Variants in COL4A3 observed in about 807,000 individuals in gnomAD.
COL4A3 encodes collagen type IV alpha 3 chain, also known as collagen alpha-3(IV) chain.
In COL4A3, 135 loss-of-function variants were observed where a neutral mutation model predicts 217.4. The ratio of observed to expected loss-of-function variants is 0.62; its 90% CI spans 0.54 to 0.72. The LOEUF is 0.72. COL4A3 is among the 30% of genes least tolerant of loss of function. The pLI is 0.00. For missense variants in COL4A3, 1,868 were observed against 2,119.9 expected (o/e 0.88, Z 2.33); for synonymous variants, 690 against 736.3 (o/e 0.94, Z 1.02).
chr2:227,273,130 T>A lies in COL4A3; in HGVS notation c.1927+13T>A. 6.2e-7 allele frequency: 1 copy of A among 1,612,790 alleles called. No homozygotes were observed. The highest frequency in any genetic ancestry group is 8.5e-7 in the Non-Finnish European group (1 of 1,179,962). On this transcript the variant is annotated intron_variant, in intron 26 of 51. Coordinates refer to ENST00000396578, the MANE Select transcript of COL4A3 (RefSeq NM_000091.5). ...CCCGGAGAAGCCGGTTGGTTAGTTT[T>A]CTTTCCAGTCCTGTTTTCCGATGGA...
intron 1 of COL4A3, among the ~76,000 whole-genome samples, chr2:227,226,435 G>C (rs1661742483): frequency 6.6e-6 from 1 of 151,542 alleles, no homozygotes; most frequent in South Asian, 2.1e-4. Flanking sequence ...GGAACTCACA[G>C]CTGATCTCTT....
chr2:227,251,090 T>C, intron 9 of COL4A3, 50 bp from the exon 10 acceptor site: 1 of 1,319,378 alleles, frequency 7.6e-7, no homozygotes, highest in Admixed American at 1.7e-5. Context: ...ACATTGTTAT[T>C]AAGTGAGAAG....
intron 1 of COL4A3, among the ~76,000 whole-genome samples, chr2:227,182,719 T>G (rs1296805624): frequency 6.6e-6 from 1 of 152,178 alleles, no homozygotes; most frequent in African/African-American, 2.4e-5. Context: ...AAAACAGATT[T>G]GTAATAAAGG....
At position 227,295,014 on chromosome 2, in the gene COL4A3, C is replaced by T; in HGVS notation, c.3469C>T (p.Gln1157Ter). The stretch of plus-strand genomic sequence containing the variant: ...TGGACCAATGGGTATAAGAGGTGAC[C>T]AAGGACGTGATGGAATTCCTGGTCC... ...SPGPMGIRGDQGRDGIPGPAG... is the reference protein window; with the variant it reads ...SPGPMGIRGD The change falls in exon 40 of 52, where the codon CAA (glutamine) becomes TAA (stop). Residue 1157 changes from glutamine (Q) to a stop codon, truncating the protein, a stop_gained. Coordinates refer to ENST00000396578, the MANE Select transcript of COL4A3 (RefSeq NM_000091.5). LOFTEE classifies it high-confidence loss of function. 4.3e-6 allele frequency: 7 copies of T among 1,612,778 alleles called. No homozygotes were observed. Among genetic ancestry groups the T allele is most frequent in the Non-Finnish European group, 5.9e-6 (7 of 1,179,770 alleles).
chr2:227,196,313 T>A (rs1245956680), intron 1 of COL4A3, among the ~76,000 whole-genome samples: 2 of 151,880 alleles, frequency 1.3e-5, no homozygotes, highest in Non-Finnish European at 2.9e-5. Flanking sequence ...AGGTGTACTA[T>A]GTTTTTATCT....
chr2:227,222,401 A>T (rs1447480168), intron 1 of COL4A3: 1 of 152,012 alleles, frequency 6.6e-6, no homozygotes, highest in Non-Finnish European at 1.5e-5. Context: ...TTGTCCAGAG[A>T]GTGTCCTATT....
chr2:227,218,816 T>C (rs896512689), intron 1 of COL4A3, among the ~76,000 whole-genome samples: 21 of 152,368 alleles, frequency 1.4e-4, no homozygotes, highest in African/African-American at 4.6e-4. Context: ...TTGTTTTGCT[T>C]TCTAAATTAT....
chr2:227,185,514 G>A (rs936521254), intron 1 of COL4A3, among the ~76,000 whole-genome samples: 3 of 152,154 alleles, frequency 2.0e-5, no homozygotes, highest in African/African-American at 7.2e-5. Context: ...TACTAAAAAA[G>A]CAATGACAAC....
At chr2:227,236,565 A>G (rs558730813) in intron 1 of COL4A3, among the ~76,000 whole-genome samples, 2 of 152,370 alleles carry the variant, frequency 1.3e-5, no homozygotes, top group Non-Finnish European at 2.9e-5. Context: ...TTCTGGAGAA[A>G]GCAAATTAAT....
intron 47 of COL4A3, among the ~76,000 whole-genome samples, chr2:227,306,866 G>A (rs2073524719): frequency 1.3e-5 from 2 of 152,226 alleles, no homozygotes; most frequent in South Asian, 4.2e-4. Context: ...GCCCAAGTCT[G>A]GTTGGGGAGG....
At chr2:227,310,563 A>C (rs963610397) in intron 50 of COL4A3, among the ~76,000 whole-genome samples, 3 of 152,134 alleles carry the variant, frequency 2.0e-5, no homozygotes, top group African/African-American at 7.2e-5. Flanking sequence ...TGATCTGCCC[A>C]CCTAGGCCTC....
chr2:227,291,780 T>C (rs1484320310), intron 37 of COL4A3, among the ~76,000 whole-genome samples: 4 of 152,208 alleles, frequency 2.6e-5, no homozygotes, highest in East Asian at 1.9e-4. Context: ...TTGTGCTTTG[T>C]CAAATTGAGG....
chr2:227,238,563 G>T (rs1205471839), intron 2 of COL4A3, among the ~76,000 whole-genome samples: 1 of 152,122 alleles, frequency 6.6e-6, no homozygotes, highest in African/African-American at 2.4e-5. Flanking sequence ...TCATTAATTC[G>T]CTCCATTAAC....
intron 1 of COL4A3, among the ~76,000 whole-genome samples, chr2:227,212,018 T>C (rs1463160612): frequency 6.6e-6 from 1 of 152,200 alleles, no homozygotes; most frequent in Non-Finnish European, 1.5e-5. Context: ...GCCAAAATGA[T>C]GTGTGTGAAG....
intron 8 of COL4A3, among the ~76,000 whole-genome samples, chr2:227,247,856 C>A (rs183798849): frequency 1.6e-4 from 25 of 152,168 alleles, no homozygotes; most frequent in African/African-American, 5.8e-4. Flanking sequence ...TGCTCAGGGC[C>A]CCACATTCTA....
intron 3 of COL4A3, among the ~76,000 whole-genome samples, chr2:227,243,452 G>A (rs955167741): frequency 6.6e-6 from 1 of 152,216 alleles, no homozygotes; most frequent in African/African-American, 2.4e-5. Flanking sequence ...AAAACCTTCT[G>A]CTTTCGGCAT....
At chr2:227,204,850 A>G (rs2067039647) in intron 1 of COL4A3, among the ~76,000 whole-genome samples, 1 of 152,264 alleles carries the variant, frequency 6.6e-6, no homozygotes, top group Admixed American at 6.5e-5. Flanking sequence ...GTGTACACAC[A>G]TAATCACAAT....
Position 227,246,960 on chromosome 2 carries a change from G to T in COL4A3, c.441+222G>T. The T allele has an allele frequency of 4.5e-6, 3 of 660,638 alleles. 1 individual carries two copies. The Middle Eastern group carries it at 1.0e-3, about 227-fold the overall frequency. The allele number at this position is 660,638 out of a possible 1,614,324, so 40.9% of individuals were successfully genotyped here. ...ACTTTTGAGACATCCAAGTGGAGAT[G>T]CATGAGAGGTACTTGGATTCACTCA... is the stretch of plus-strand genomic sequence containing the variant. On this transcript the variant is annotated intron_variant, in intron 7 of 51. Transcript: ENST00000396578.
At chr2:227,306,806 C>G (rs2073521188) in intron 47 of COL4A3, among the ~76,000 whole-genome samples, 1 of 152,150 alleles carries the variant, frequency 6.6e-6, no homozygotes, top group African/African-American at 2.4e-5. Flanking sequence ...GGCCCAAAGT[C>G]TAACCATCGC....
Sources: gnomAD v4.1 joint callset for allele counts (sites outside exome capture counted in the v4.1 genomes callset) on GRCh38, gnomAD v4.1.1 for gene constraint, MANE v1.5 for transcripts, NCBI Gene and HGNC (gene_info 2026-07-23, HGNC 2026-07-21) for gene names.